Variants in CDC42SE2 observed in about 807,000 individuals in gnomAD.
CDC42SE2 encodes the protein CDC42 small effector 2.
Under a neutral mutation model 11.5 loss-of-function variants are expected in CDC42SE2, and 3 were observed. The ratio of observed to expected loss-of-function variants is 0.26; its 90% CI spans 0.12 to 0.67. The LOEUF (loss-of-function observed/expected upper bound fraction) is 0.67, where lower values mean the gene tolerates loss of function less well. Ranked by LOEUF, CDC42SE2 falls within the 30% of genes least tolerant of loss-of-function variation. The probability of loss-of-function intolerance (pLI) is 0.80; values close to 1 mark genes in which losing one functional copy is unlikely to be tolerated. For synonymous variants in CDC42SE2, 33 were observed against 34.8 expected, an observed-to-expected ratio of 0.95 and a Z score of 0.18; for missense variants, 82 against 106.8, an observed-to-expected ratio of 0.77 and a Z score of 1.02.
At chr5:131,303,048 A>C (rs527699185) in intron 1 of CDC42SE2, among the ~76,000 whole-genome samples, 1 of 152,236 alleles carries the variant, frequency 6.6e-6, no homozygotes, top group Non-Finnish European at 1.5e-5. Flanking sequence ...CACTGGCTAC[A>C]TTATTGCCCA....
chr5:131,236,276 G>A, the CDC42SE2 span, among the ~76,000 whole-genome samples: 1 of 152,036 alleles, frequency 6.6e-6, no homozygotes, highest in Admixed American at 6.6e-5. Context: ...AGATTTAGAA[G>A]GGCCTTCATC....
intron 2 of CDC42SE2, among the ~76,000 whole-genome samples, chr5:131,324,745 C>A (rs1235334850): frequency 6.6e-6 from 1 of 151,950 alleles, no homozygotes; most frequent in Non-Finnish European, 1.5e-5. Flanking sequence ...GCTATATTAT[C>A]TTCTCCTTTA....
chr5:131,230,844 C>G, the CDC42SE2 span, among the ~76,000 whole-genome samples: 26 of 152,142 alleles, frequency 1.7e-4, no homozygotes, highest in Non-Finnish European at 3.2e-4. Context: ...TATAGCTTTG[C>G]TTTTTAAATC....
chr5:131,229,715 C>A, the CDC42SE2 span, among the ~76,000 whole-genome samples: 1 of 152,182 alleles, frequency 6.6e-6, no homozygotes, highest in Non-Finnish European at 1.5e-5. Flanking sequence ...GAGTGGATCT[C>A]CTGAGCCCAG....
chr5:131,238,287 G>A, the CDC42SE2 span, among the ~76,000 whole-genome samples: 2 of 152,062 alleles, frequency 1.3e-5, no homozygotes, highest in African/African-American at 2.4e-5. Context: ...CGCGAGGTCA[G>A]GAGATCGAGA....
At chr5:131,336,760 C>T (rs1456643715) in intron 2 of CDC42SE2, among the ~76,000 whole-genome samples, 1 of 152,142 alleles carries the variant, frequency 6.6e-6, no homozygotes. Flanking sequence ...CAGTTGATCG[C>T]ATCGGTTACT....
At chr5:131,365,773 A>C (rs10055942) in intron 3 of CDC42SE2, among the ~76,000 whole-genome samples, 4,710 of 152,212 alleles carry the variant, frequency 0.031, 202 homozygotes, top group African/African-American at 0.095. Context: ...ACGAGGTCAG[A>C]AGATCGAGAC....
chr5:131,245,444 C>CAAG (rs1171657185), upstream of CDC42SE2: 2 of 151,908 alleles, frequency 1.3e-5, no homozygotes, highest in South Asian at 2.1e-4. Context: ...TGTGTCATAC[C>CAAG]AAGAAGAAGA....
At chr5:131,342,383 A>C (rs1357293422) in intron 2 of CDC42SE2, among the ~76,000 whole-genome samples, 1 of 126,904 alleles carries the variant, frequency 7.9e-6, no homozygotes, top group Non-Finnish European at 1.5e-5. Flanking sequence ...GCCATTTTTA[A>C]TAGTCTTTTT....
intron 4 of CDC42SE2, among the ~76,000 whole-genome samples, chr5:131,390,173 A>T (rs1468705731): frequency 3.3e-5 from 5 of 152,204 alleles, no homozygotes; most frequent in Non-Finnish European, 4.4e-5. Flanking sequence ...AATATTAATA[A>T]ATAAACTGGG....
chr5:131,287,660 G>A (rs1044227902), intron 1 of CDC42SE2, among the ~76,000 whole-genome samples: 1 of 151,318 alleles, frequency 6.6e-6, no homozygotes, highest in Non-Finnish European at 1.5e-5. Flanking sequence ...TTTTTGTAGA[G>A]ATGGGGCTCC....
chr5:131,252,512 C>T (rs996007037), intron 1 of CDC42SE2, among the ~76,000 whole-genome samples: 1 of 152,138 alleles, frequency 6.6e-6, no homozygotes, highest in Non-Finnish European at 1.5e-5. Flanking sequence ...AAAAAATTAG[C>T]CGGGCGTGGT....
At chr5:131,225,388 A>G in the CDC42SE2 span, among the ~76,000 whole-genome samples, 1 of 152,204 alleles carries the variant, frequency 6.6e-6, no homozygotes, top group Non-Finnish European at 1.5e-5. Flanking sequence ...CTTGTTTATG[A>G]CTGTCCTAAA....
chr5:131,366,763 C>T (rs1227835072), intron 3 of CDC42SE2, among the ~76,000 whole-genome samples: 1 of 152,052 alleles, frequency 6.6e-6, no homozygotes, highest in Non-Finnish European at 1.5e-5. Context: ...GTGACTTGCA[C>T]CTATAATCCC....
intron 2 of CDC42SE2, among the ~76,000 whole-genome samples, chr5:131,337,019 G>C (rs191235028): frequency 6.6e-6 from 1 of 152,180 alleles, no homozygotes; most frequent in African/African-American, 2.4e-5. Flanking sequence ...GAGGAGCTGC[G>C]TTCCTTTGGA....
At chr5:131,353,749 A>C (rs1359147799) in intron 2 of CDC42SE2, among the ~76,000 whole-genome samples, 2 of 151,898 alleles carry the variant, frequency 1.3e-5, no homozygotes, top group Non-Finnish European at 2.9e-5. Flanking sequence ...CTACTAAAAA[A>C]AATACAAAAA....
chr5:131,359,350 A>T lies in CDC42SE2; in HGVS notation c.-144A>T. ...TTAAATCGACTGTGTAAGATACTTG[A>T]CTTCCAGGAACAAAAACACGGTGAA... On this transcript the variant is annotated 5_prime_UTR_variant, in exon 3 of 5. Coordinates refer to ENST00000505065, the MANE Select transcript of CDC42SE2 (RefSeq NM_001375635.1). 1 of 730,272 alleles carries T rather than the reference A, an allele frequency of 1.4e-6. No homozygotes were observed. The highest frequency in any genetic ancestry group is 2.0e-5 in the Admixed American group (1 of 50,316). The allele number at this position is 730,272 out of a possible 1,614,324, so 45.2% of individuals were successfully genotyped here.
intron 3 of CDC42SE2, among the ~76,000 whole-genome samples, chr5:131,362,436 T>C (rs1014344791): frequency 3.9e-5 from 6 of 152,224 alleles, no homozygotes; most frequent in African/African-American, 1.4e-4. Context: ...CTTTACATTA[T>C]ACAAAGACAT....
upstream of CDC42SE2, among the ~76,000 whole-genome samples, chr5:131,243,342 G>T (rs1756554857): frequency 6.6e-6 from 1 of 152,224 alleles, no homozygotes; most frequent in Admixed American, 6.5e-5. Context: ...CACTTTGGGA[G>T]GCCAAGGTGG....
Sources: allele counts gnomAD v4.1 joint callset (sites outside exome capture counted in the v4.1 genomes callset), GRCh38; gene constraint gnomAD v4.1.1; transcripts MANE v1.5; gene names NCBI Gene and HGNC (gene_info 2026-07-23, HGNC 2026-07-21).